LRP1B: variants seen among roughly 807,000 people sequenced by gnomAD.
LRP1B encodes the protein low-density lipoprotein receptor-related protein 1B.
In LRP1B, 217 loss-of-function variants were observed where a neutral mutation model predicts 556.6. The observed-to-expected ratio is 0.39, with a 90% CI of 0.35 to 0.44. LRP1B has a LOEUF of 0.44. Ranked by LOEUF, LRP1B falls within the 20% of genes least tolerant of loss-of-function variation. LRP1B has a pLI of 1.00. For synonymous variants in LRP1B, 2,047 were observed against 1,865.8 expected (o/e 1.10, Z -2.50); for missense variants, 5,053 against 5,620.8 (o/e 0.90, Z 3.23).
chr2:141,119,408 C>T (rs1055068690), intron 7 of LRP1B, among the ~76,000 whole-genome samples: 4 of 151,742 alleles, frequency 2.6e-5, no homozygotes, highest in Admixed American at 2.0e-4. Flanking sequence ...GCTAGATATT[C>T]TAAAAGTTTT....
intron 1 of LRP1B, among the ~76,000 whole-genome samples, chr2:141,878,262 G>A (rs1037505914): frequency 6.6e-6 from 1 of 151,902 alleles, no homozygotes; most frequent in African/African-American, 2.4e-5. Context: ...GAAGACACCA[G>A]AGAGCTGAGA....
At chr2:140,866,931 A>G (rs1277646602) in intron 27 of LRP1B, among the ~76,000 whole-genome samples, 3 of 152,164 alleles carry the variant, frequency 2.0e-5, no homozygotes, top group African/African-American at 7.2e-5. Flanking sequence ...TCTAAGAATC[A>G]TGAATCTAAA....
intron 43 of LRP1B, among the ~76,000 whole-genome samples, chr2:140,564,580 G>A (rs1380904684): frequency 6.6e-6 from 1 of 151,980 alleles, no homozygotes; most frequent in Non-Finnish European, 1.5e-5. Context: ...GTCATTGAAA[G>A]CTATTTGGCA....
intron 2 of LRP1B, among the ~76,000 whole-genome samples, chr2:141,741,113 G>A (rs1289785938): frequency 6.6e-6 from 1 of 151,952 alleles, no homozygotes; most frequent in Non-Finnish European, 1.5e-5. Context: ...TCTCTTTATG[G>A]CTGAATAGTA....
intron 3 of LRP1B, among the ~76,000 whole-genome samples, chr2:141,322,341 A>G (rs1687270550): frequency 6.6e-6 from 1 of 152,082 alleles, no homozygotes; most frequent in South Asian, 2.1e-4. Flanking sequence ...ATACATTTTT[A>G]ATATAAGAGG....
intron 3 of LRP1B, among the ~76,000 whole-genome samples, chr2:141,338,685 C>G (rs1687938074): frequency 6.6e-6 from 1 of 152,142 alleles, no homozygotes; most frequent in Non-Finnish European, 1.5e-5. Context: ...TTCCTCATTT[C>G]TTATCTAGAC....
At chr2:141,850,844 T>G (rs191902242) in intron 1 of LRP1B, among the ~76,000 whole-genome samples, 1 of 151,840 alleles carries the variant, frequency 6.6e-6, no homozygotes, top group East Asian at 1.9e-4. Context: ...TTGATGAGTC[T>G]GGAATGCTTT....
At chr2:141,844,997 A>G (rs1697596104) in intron 1 of LRP1B, among the ~76,000 whole-genome samples, 1 of 151,672 alleles carries the variant, frequency 6.6e-6, no homozygotes, top group Non-Finnish European at 1.5e-5. Flanking sequence ...TTCTCTTGTC[A>G]AAAACTTAAT....
At chr2:141,811,511 C>A (rs1394694910) in intron 1 of LRP1B, among the ~76,000 whole-genome samples, 1 of 151,892 alleles carries the variant, frequency 6.6e-6, no homozygotes, top group Non-Finnish European at 1.5e-5. Context: ...TATTTCCTTA[C>A]TCTCCCTCAA....
chr2:141,141,336 ATTTAT>A (rs937265238), intron 7 of LRP1B, among the ~76,000 whole-genome samples: 1 of 152,158 alleles, frequency 6.6e-6, no homozygotes, highest in Non-Finnish European at 1.5e-5. Context: ...TTTATGAAGC[ATTTAT>A]TTTGATTGTC....
intron 89 of LRP1B, among the ~76,000 whole-genome samples, chr2:140,237,800 AT>A (rs1304647573): frequency 6.6e-6 from 1 of 150,794 alleles, no homozygotes; most frequent in Non-Finnish European, 1.5e-5. Context: ...GACCTAAACA[AT>A]TTGCTGTGTG....
chr2:141,493,679 G>A (rs1574010737), intron 2 of LRP1B, among the ~76,000 whole-genome samples: 2 of 152,258 alleles, frequency 1.3e-5, no homozygotes, highest in East Asian at 3.9e-4. Flanking sequence ...GAGCCAGCAG[G>A]AGATTATTTG....
At chr2:140,593,430 C>T (rs1177153161) in intron 43 of LRP1B, among the ~76,000 whole-genome samples, 1 of 152,026 alleles carries the variant, frequency 6.6e-6, no homozygotes, top group South Asian at 2.1e-4. Flanking sequence ...GCTACTGGAA[C>T]GAACAGAGAT....
At chr2:141,841,171 A>G (rs184457064) in intron 1 of LRP1B, among the ~76,000 whole-genome samples, 21 of 152,334 alleles carry the variant, frequency 1.4e-4, no homozygotes, top group Admixed American at 1.2e-3. Context: ...AAGGATAAGT[A>G]ATGATGTAAT....
chr2:141,945,811 C>A (rs1219898708), intron 1 of LRP1B, among the ~76,000 whole-genome samples: 1 of 152,028 alleles, frequency 6.6e-6, no homozygotes, highest in African/African-American at 2.4e-5. Flanking sequence ...TAGAGTTGAG[C>A]CATACACCAT....
intron 2 of LRP1B, among the ~76,000 whole-genome samples, chr2:141,669,700 C>T (rs948031528): frequency 4.2e-5 from 6 of 142,100 alleles, no homozygotes; most frequent in African/African-American, 1.6e-4. Flanking sequence ...TGCATTATAT[C>T]CTACATACTT....
intron 2 of LRP1B, among the ~76,000 whole-genome samples, chr2:141,678,661 A>T (rs750954531): frequency 1.5e-4 from 23 of 152,162 alleles, no homozygotes; most frequent in Non-Finnish European, 1.9e-4. Context: ...ACACTCAAAG[A>T]ATATCTACAT....
At chr2:141,249,234 AGAG>A (rs1286681359) in intron 4 of LRP1B, among the ~76,000 whole-genome samples, 1 of 152,182 alleles carries the variant, frequency 6.6e-6, no homozygotes, top group Non-Finnish European at 1.5e-5. Flanking sequence ...TCACAGAGGA[AGAG>A]GAGATGAAAA....
intron 83 of LRP1B, among the ~76,000 whole-genome samples, chr2:140,302,515 C>G (rs1278554367): frequency 6.6e-6 from 1 of 152,128 alleles, no homozygotes; most frequent in Admixed American, 6.6e-5. Context: ...TGGTTCATTT[C>G]ATGTGTCAAC....
Sources: gnomAD v4.1 joint callset for allele counts (sites outside exome capture counted in the v4.1 genomes callset) on GRCh38, gnomAD v4.1.1 for gene constraint, MANE v1.5 for transcripts, NCBI Gene and HGNC (gene_info 2026-07-23, HGNC 2026-07-21) for gene names.